MMP28: variants seen among roughly 807,000 people sequenced by gnomAD.
MMP28 encodes the protein matrix metalloproteinase-28.
Under a neutral mutation model 60.5 loss-of-function variants are expected in MMP28, and 55 were observed. That is an observed-to-expected ratio of 0.91 (90% CI 0.73 to 1.14). MMP28 has a LOEUF of 1.14. Ranked by LOEUF, MMP28 falls within the 50% of genes most tolerant of loss-of-function variation. The probability of loss-of-function intolerance (pLI) is 0.00; values close to 1 mark genes in which losing one functional copy is unlikely to be tolerated. For synonymous variants in MMP28, 318 were observed against 312.5 expected, an observed-to-expected ratio of 1.02 and a Z score of -0.18; for missense variants, 686 against 738.3, an observed-to-expected ratio of 0.93 and a Z score of 0.82.
At chr17:35,760,511 G>C (rs1555601306) in intron 2 of MMP28, among the ~76,000 whole-genome samples, 1 of 152,186 alleles carries the variant, frequency 6.6e-6, no homozygotes, top group African/African-American at 2.4e-5. Flanking sequence ...AGAATATAAT[G>C]ATACAAACAA....
chr17:35,771,671 GA>G (rs1437656652), intron 4 of MMP28, among the ~76,000 whole-genome samples: 1 of 77,302 alleles, frequency 1.3e-5, no homozygotes, highest in Non-Finnish European at 2.7e-5. Flanking sequence ...TTTTGTTAAA[GA>G]AAATATACAT....
At chr17:35,768,415 C>A in intron 5 of MMP28, 36 bp from the exon 6 acceptor site, 1 of 1,545,466 alleles carries the variant, frequency 6.5e-7, no homozygotes, top group Non-Finnish European at 8.8e-7. Context: ...AGAGAGAACA[C>A]ACATAGGGTA....
At position 35,767,859 on chromosome 17, in the gene MMP28, C is replaced by G; in HGVS notation, c.1061G>C (p.Gly354Ala). The stretch of plus-strand genomic sequence containing the variant: ...CAGTGGACGGGGCTCTGAGACGTTG[C>G]CATCAGCTGCCACCTCCCAGAAATG... The part of the protein sequence containing the change: ...GSHFWEVAAD[G>A]NVSEPRPLQE... The change falls in exon 7 of 8, where the codon GGC becomes GCC. Residue 354 changes from glycine to alanine, a missense_variant. Transcript: ENST00000605424. 1 of 1,609,878 alleles carries G rather than the reference C, an allele frequency of 6.2e-7. No homozygotes were observed. The highest frequency in any genetic ancestry group is 8.5e-7 in the Non-Finnish European group (1 of 1,178,398).
In MMP28 at chr17:35,766,736, G is replaced by A. The variant is rs369027708; in HGVS notation, c.1327C>T (p.Arg443Ter). 7 of 1,591,528 alleles carry A rather than the reference G, an allele frequency of 4.4e-6. No individual in the cohort carries two copies. The African/African-American group carries it at 6.7e-5, about 15-fold the overall frequency. Residue 443 changes from arginine to a stop codon, truncating the protein, a stop_gained, in exon 8 of 8, where the codon CGA (arginine) becomes TGA (stop). Transcript: ENST00000605424. LOFTEE classifies it high-confidence loss of function. This position sits in a 1 kb window ranked among gnomAD's most constrained non-coding sequence, Gnocchi z 4.3. The stretch of plus-strand genomic sequence containing the variant: ...TAGGGCTCCACTTGCAGTCCCCCTC[G>A]GGCCAGCACGTAGTAGCGGGCACCC... ...FKGARYYVLA[R>*]GGLQVEPYYP... is the part of the protein sequence containing the mutation.
chr17:35,769,925 T>C, intron 5 of MMP28, 142 bp downstream of exon 5: 1 of 1,152,552 alleles, frequency 8.7e-7, no homozygotes, highest in East Asian at 2.7e-5. Flanking sequence ...CATAGGGCTT[T>C]AGAATTGGGA....
intron 1 of MMP28, among the ~76,000 whole-genome samples, chr17:35,793,634 G>A (rs1470345326): frequency 2.0e-5 from 3 of 152,108 alleles, no homozygotes; most frequent in East Asian, 3.9e-4. Context: ...TGAGGCATTC[G>A]GAGAGGGCCC....
At chr17:35,763,071 G>A (rs151180262), downstream of MMP28, among the ~76,000 whole-genome samples, 1 of 150,308 alleles carries the variant, frequency 6.7e-6, no homozygotes, top group South Asian at 2.1e-4. Context: ...GCAGTGAGCC[G>A]AGATGGCACC....
chr17:35,766,149 T>C lies in MMP28; in HGVS notation c.*351A>G. 2 of 1,053,164 alleles carry C rather than the reference T, an allele frequency of 1.9e-6. No individual in the cohort carries two copies. Among genetic ancestry groups the C allele is most frequent in the African/African-American group, 1.7e-5 (1 of 59,818 alleles). The allele number at this position is 1,053,164 out of a possible 1,614,324, so 65.2% of individuals were successfully genotyped here. ...TCGAATTTCTCTGCTGAGTTTTTCA[T>C]CCCCCTGCTTGGATCCCAGTGCTGT... On this transcript the variant is annotated 3_prime_UTR_variant, in exon 8 of 8. Transcript: ENST00000605424. This position sits in a 1 kb window ranked among gnomAD's most constrained non-coding sequence, Gnocchi z 4.3.
In MMP28 at chr17:35,779,016, C is replaced by T. The variant is rs200590299; in HGVS notation, c.251G>A (p.Arg84His). ...CCCGCAGCGGGGACGAGTCATCTGG[C>T]GCAGGGTGGCGCGGTCCAACACGCC... ...VSGVLDRATL[R>H]QMTRPRCGVT... The change falls in exon 3 of 8, where the codon CGC (arginine) becomes CAC (histidine). Residue 84 changes from arginine (R) to histidine (H), a missense_variant. Arg to His is a conservative substitution (Grantham distance 29, BLOSUM62 0). Coordinates refer to ENST00000605424, the MANE Select transcript of MMP28 (RefSeq NM_024302.5). 28 of 1,613,916 alleles carry T rather than the reference C, an allele frequency of 1.7e-5. No individual in the cohort carries two copies. Among genetic ancestry groups the T allele is most frequent in the East Asian group, 2.2e-5 (1 of 44,896 alleles).
intron 3 of MMP28, 78 bp from the exon 4 acceptor site, chr17:35,773,482 G>T: frequency 7.7e-7 from 1 of 1,299,312 alleles, no homozygotes; most frequent in Non-Finnish European, 1.1e-6. Flanking sequence ...GTAGGATGGC[G>T]AGGGGTAGGC....
At position 35,766,867 on chromosome 17, in the gene MMP28, G is replaced by C. The variant is rs1288984053; in HGVS notation, c.1196C>G (p.Pro399Arg). The change falls in exon 8 of 8, where the codon CCC becomes CGC. Residue 399 changes from proline (P) to arginine (R), a missense_variant. Coordinates refer to ENST00000605424, the MANE Select transcript of MMP28 (RefSeq NM_024302.5). The surrounding 1 kb of genome is among the most constrained non-coding windows in gnomAD (Gnocchi z 4.3). The stretch of plus-strand genomic sequence containing the variant: ...CTGTGGGAGACCCCACACTGGCTTG[G>C]GGCCCCGGAACCTCCAGCATCGACC... ...KGGRCWRFRG[P>R]KPVWGLPQLC... 1 of 1,579,802 alleles carries C rather than the reference G, an allele frequency of 6.3e-7. No individual in the cohort carries two copies. Among genetic ancestry groups the C allele is most frequent in the African/African-American group, 1.3e-5 (1 of 74,230 alleles).
In MMP28 at chr17:35,770,269, C is replaced by T. The variant is rs1448338034; in HGVS notation, c.648G>A (p.Ala216=). 5 of 1,568,728 alleles carry T rather than the reference C, an allele frequency of 3.2e-6. No homozygotes were observed. Among genetic ancestry groups the T allele is most frequent in the African/African-American group, 2.7e-5 (2 of 74,004 alleles). Residue 216 remains alanine, a synonymous_variant, in exon 5 of 8, where the codon GCG becomes GCA. Transcript: ENST00000605424. ...AHAFLPRRGE[A]HFDQDERWSL... ...ACCAGCGCTCATCTTGGTCGAAGTG[C>T]GCTTCGCCGCGGCGGGGCAGGAAGG...
In MMP28 at chr17:35,766,710, G is replaced by A. The variant is rs374280874; in HGVS notation, c.1353C>T (p.Tyr451=). ...LARGGLQVEP[Y]YPRSLQDWGG... Reference sequence around the variant, plus strand: ...CCCAGTCCTGCAGACTTCGGGGGTAGTAGGGCTCCACTTGCAGTCCCCCTC... The same window carrying A: ...CCCAGTCCTGCAGACTTCGGGGGTAATAGGGCTCCACTTGCAGTCCCCCTC... Residue 451 remains tyrosine, a synonymous_variant, in exon 8 of 8, where the codon TAC becomes TAT. Coordinates refer to ENST00000605424, the MANE Select transcript of MMP28 (RefSeq NM_024302.5). The surrounding 1 kb of genome is among the most constrained non-coding windows in gnomAD (Gnocchi z 4.3). The A allele has an allele frequency of 2.7e-5, 44 of 1,603,996 alleles. No individual in the cohort carries two copies. The highest frequency in any genetic ancestry group is 3.7e-5 in the Non-Finnish European group (43 of 1,175,862).
chr17:35,762,093 C>T (rs916462663), downstream of MMP28, among the ~76,000 whole-genome samples: 1 of 152,082 alleles, frequency 6.6e-6, no homozygotes, highest in East Asian at 1.9e-4. Flanking sequence ...TGGGTTCAAG[C>T]GATTCTCCTG....
Position 35,766,087 on chromosome 17 carries a change from G to C in MMP28, c.*413C>G. ...CCGTTTTTCAAGAACTGAGCCAGGG[G>C]GTCCTGAGGAGAAGGGCACAGTCTT... is the stretch of plus-strand genomic sequence containing the variant. On this transcript the variant is annotated 3_prime_UTR_variant, in exon 8 of 8. Transcript: ENST00000605424. This position sits in a 1 kb window ranked among gnomAD's most constrained non-coding sequence, Gnocchi z 4.3. 1 of 995,770 alleles carries C rather than the reference G, an allele frequency of 1.0e-6. No individual in the cohort carries two copies. Among genetic ancestry groups the C allele is most frequent in the Non-Finnish European group, 1.2e-6 (1 of 837,054 alleles). 61.7% of individuals were successfully genotyped at this position (995,770 alleles called of 1,614,324 possible). A position where few individuals can be genotyped will look rare whatever the true frequency, so the allele number is the denominator to read the frequency against.
chr17:35,760,980 G>A (rs2085805609), downstream of MMP28: 16 of 1,608,740 alleles, frequency 9.9e-6, no homozygotes, highest in African/African-American at 1.3e-5. Flanking sequence ...GGCAGGGTGG[G>A]GCTGGAGGAC....
rs374311622 is a variant in MMP28, at chr17:35,779,094, C to G, written c.192-19G>C. 1.9e-6 allele frequency: 3 copies of G among 1,610,974 alleles called. No individual in the cohort carries two copies. In the African/African-American group the frequency reaches 4.0e-5, roughly 21 times the overall value. Reference sequence around the variant, plus strand: ...AAACGCTCTGTCAGGAGGAAAGGACCGCAAGGGGAGGGTGAGTGGTAAGGG... The same window carrying G: ...AAACGCTCTGTCAGGAGGAAAGGACGGCAAGGGGAGGGTGAGTGGTAAGGG... On this transcript the variant is annotated intron_variant, in intron 2 of 7. Coordinates refer to ENST00000605424, the MANE Select transcript of MMP28 (RefSeq NM_024302.5).
chr17:35,779,039 G>A lies in MMP28; in HGVS notation c.228C>T (p.Gly76=), dbSNP rs372332068. Reference sequence around the variant, plus strand: ...GGCGCAGGGTGGCGCGGTCCAACACGCCGCTGACAGGTAGCTGGGACACCC... The same window carrying A: ...GGCGCAGGGTGGCGCGGTCCAACACACCGCTGACAGGTAGCTGGGACACCC... ...FQWVSQLPVS[G]VLDRATLRQM... The change falls in exon 3 of 8, where the codon GGC becomes GGT. Residue 76 remains glycine (G), a synonymous_variant. Transcript: ENST00000605424. The A allele has an allele frequency of 7.7e-5, 125 of 1,614,032 alleles. No homozygotes were observed. The highest frequency in any genetic ancestry group is 2.5e-4 in the African/African-American group (19 of 75,056).
intron 3 of MMP28, among the ~76,000 whole-genome samples, chr17:35,775,700 A>G (rs1253207010): frequency 1.3e-5 from 2 of 152,210 alleles, no homozygotes; most frequent in African/African-American, 2.4e-5. Flanking sequence ...TGAGACAGCA[A>G]TGTGGAGCTG....
Sources: allele counts gnomAD v4.1 joint callset (sites outside exome capture counted in the v4.1 genomes callset), GRCh38; gene constraint gnomAD v4.1.1; non-coding constraint Gnocchi (gnomAD v3.1); transcripts MANE v1.5; gene names NCBI Gene and HGNC (gene_info 2026-07-23, HGNC 2026-07-21).